The following DCTN5 variants were observed in gnomAD, a reference collection of about 807,000 sequenced individuals.
The protein encoded by DCTN5 is dynactin subunit 5, also known as dynactin 4.
DCTN5 carries 14 observed loss-of-function variants against 23.5 expected under a neutral mutation model. The observed-to-expected ratio is 0.60, with a 90% CI of 0.39 to 0.93. The LOEUF (loss-of-function observed/expected upper bound fraction) is 0.93, where lower values mean the gene tolerates loss of function less well. Ranked by LOEUF, DCTN5 falls within the 40% of genes least tolerant of loss-of-function variation. DCTN5 has a pLI of 0.00. For missense variants in DCTN5, 156 were observed against 225.9 expected, an observed-to-expected ratio of 0.69 and a Z score of 1.98; for synonymous variants, 67 against 79.6, an observed-to-expected ratio of 0.84 and a Z score of 0.84.
intron 4 of DCTN5, among the ~76,000 whole-genome samples, chr16:23,664,488 T>G (rs747639159): frequency 6.6e-6 from 1 of 152,232 alleles, no homozygotes; most frequent in Non-Finnish European, 1.5e-5. Flanking sequence ...TTGTAAAGAT[T>G]TCCACATTCT....
At chr16:23,650,337 C>G (rs375728922) in intron 2 of DCTN5, among the ~76,000 whole-genome samples, 5 of 151,882 alleles carry the variant, frequency 3.3e-5, no homozygotes, top group African/African-American at 1.2e-4. Flanking sequence ...ATTTTATTTT[C>G]TTTTAAGATG....
intron 2 of DCTN5, among the ~76,000 whole-genome samples, chr16:23,644,016 A>G (rs938584584): frequency 1.3e-5 from 2 of 152,106 alleles, no homozygotes; most frequent in Non-Finnish European, 2.9e-5. Context: ...TAACCAAGAG[A>G]TCACAAATAT....
In DCTN5 at chr16:23,668,240, G is replaced by T. The variant is rs1225607316; in HGVS notation, c.*1096G>T. The T allele has an allele frequency of 2.0e-5, 3 of 152,216 alleles. No individual in the cohort carries two copies. The highest frequency in any genetic ancestry group is 1.3e-4 in the Admixed American group (2 of 15,276). The allele number at this position is 152,216 out of a possible 1,614,324, so 9.4% of individuals were successfully genotyped here. A position where few individuals can be genotyped will look rare whatever the true frequency, so the allele number is the denominator to read the frequency against. On this transcript the variant is annotated 3_prime_UTR_variant, in exon 6 of 6. Coordinates refer to ENST00000300087, the MANE Select transcript of DCTN5 (RefSeq NM_032486.4). ...CCTTGCCTAATGCTCTGATCTGTAA[G>T]TGAATAGGGCAGAACAGTTCAGCCT...
rs1968021667 is a variant in DCTN5 at position 23,672,368 on chromosome 16, C to T, written c.*5224C>T. ...GGGCACTATAATGGGCACTTTATCC[C>T]ATTTTATAAACATGGAAATTGAGGC... On this transcript the variant is annotated 3_prime_UTR_variant, in exon 6 of 6. Transcript: ENST00000300087. 1 of 152,162 alleles carries T rather than the reference C, an allele frequency of 6.6e-6. No individual in the cohort carries two copies. Among genetic ancestry groups the T allele is most frequent in the Non-Finnish European group, 1.5e-5 (1 of 68,034 alleles). 9.4% of individuals were successfully genotyped at this position (152,162 alleles called of 1,614,324 possible). A position where few individuals can be genotyped will look rare whatever the true frequency, so the allele number is the denominator to read the frequency against.
chr16:23,666,900 C>G, intron 5 of DCTN5, 147 bp from the exon 6 acceptor site: 1 of 1,308,630 alleles, frequency 7.6e-7, no homozygotes, highest in Non-Finnish European at 1.0e-6. Flanking sequence ...CTGTTCTTAG[C>G]AAGCACTGGA....
intron 2 of DCTN5, chr16:23,650,758 C>G (rs1967586614): frequency 6.5e-7 from 1 of 1,534,900 alleles, no homozygotes; most frequent in African/African-American, 1.4e-5. Context: ...TCTTTCAGAA[C>G]TTTGTCATTT....
intron 2 of DCTN5, among the ~76,000 whole-genome samples, chr16:23,656,998 A>G (rs1443325866): frequency 6.6e-6 from 1 of 152,036 alleles, no homozygotes; most frequent in Non-Finnish European, 1.5e-5. Context: ...TCAAAAAAAA[A>G]AAAAAATAAA....
At chr16:23,665,363 G>A (rs1399817028) in intron 4 of DCTN5, among the ~76,000 whole-genome samples, 4 of 152,180 alleles carry the variant, frequency 2.6e-5, no homozygotes, top group Non-Finnish European at 4.4e-5. Context: ...CAGAGCTCAT[G>A]GAAGACTGAA....
chr16:23,652,578 T>C (rs1967625365), intron 2 of DCTN5, among the ~76,000 whole-genome samples: 1 of 152,218 alleles, frequency 6.6e-6, no homozygotes, highest in Non-Finnish European at 1.5e-5. Flanking sequence ...GATGGGTACA[T>C]CTATGCAACC....
intron 2 of DCTN5, among the ~76,000 whole-genome samples, chr16:23,653,164 A>G (rs1228648043): frequency 2.6e-5 from 4 of 152,188 alleles, no homozygotes; most frequent in Non-Finnish European, 5.9e-5. Flanking sequence ...AAAATAAAAA[A>G]TCAGTGTAAT....
chr16:23,643,118 AT>A, intron 2 of DCTN5, 95 bp downstream of exon 2: 1 of 930,738 alleles, frequency 1.1e-6, no homozygotes, highest in Non-Finnish European at 1.7e-6. Context: ...CATATCTCCT[AT>A]TTATTGTTTA....
At chr16:23,654,213 A>G (rs892259594) in intron 2 of DCTN5, among the ~76,000 whole-genome samples, 2 of 152,208 alleles carry the variant, frequency 1.3e-5, no homozygotes, top group African/African-American at 2.4e-5. Flanking sequence ...TATTATAAAG[A>G]CATGTGCACA....
intron 2 of DCTN5, among the ~76,000 whole-genome samples, chr16:23,648,127 A>T (rs926721922): frequency 6.6e-6 from 1 of 151,902 alleles, no homozygotes; most frequent in African/African-American, 2.4e-5. Flanking sequence ...TTTTTATTTT[A>T]AAAATCTTTA....
chr16:23,665,823 A>G, intron 5 of DCTN5, 95 bp downstream of exon 5: 1 of 1,027,948 alleles, frequency 9.7e-7, no homozygotes, highest in South Asian at 1.5e-5. Flanking sequence ...TATCTCTGGC[A>G]ATATGTTGAT....
In DCTN5 at chr16:23,675,696, G is replaced by A. The variant is rs545455526; in HGVS notation, c.*8552G>A. 6.6e-6 allele frequency: 1 copy of A among 152,222 alleles called. No homozygotes were observed. The highest frequency in any genetic ancestry group is 2.1e-4 in the South Asian group (1 of 4,818). 9.4% of individuals were successfully genotyped at this position (152,222 alleles called of 1,614,324 possible). On this transcript the variant is annotated 3_prime_UTR_variant, in exon 6 of 6. Coordinates refer to ENST00000300087, the MANE Select transcript of DCTN5 (RefSeq NM_032486.4). ...TGGCACCTGGGGAGGCTTGATCCCT[G>A]GAAGCCTCCTCTTGCTGAAGGAAAA...
intron 2 of DCTN5, among the ~76,000 whole-genome samples, chr16:23,652,396 C>T (rs907050541): frequency 6.6e-6 from 1 of 152,166 alleles, no homozygotes; most frequent in Non-Finnish European, 1.5e-5. Flanking sequence ...ATTGTAAATT[C>T]TCTTTGTCTT....
In DCTN5 at chr16:23,641,513, A is replaced by C; in HGVS notation, c.-30A>C. Reference sequence around the variant, plus strand: ...AGACTGACCGACTGACTCTGACAGGATCCGGGGCTGAGGGAAGGAGGCGGC... The same window carrying C: ...AGACTGACCGACTGACTCTGACAGGCTCCGGGGCTGAGGGAAGGAGGCGGC... On this transcript the variant is annotated 5_prime_UTR_variant, in exon 1 of 6. Coordinates refer to ENST00000300087, the MANE Select transcript of DCTN5 (RefSeq NM_032486.4). 1 of 1,613,984 alleles carries C rather than the reference A, an allele frequency of 6.2e-7. No individual in the cohort carries two copies. Among genetic ancestry groups the C allele is most frequent in the African/African-American group, 1.3e-5 (1 of 75,070 alleles).
intron 2 of DCTN5, among the ~76,000 whole-genome samples, chr16:23,656,932 G>T (rs1261319023): frequency 4.0e-5 from 6 of 151,392 alleles, no homozygotes; most frequent in Admixed American, 2.6e-4. Flanking sequence ...CGGGGTTGCA[G>T]TGAGCCAAGA....
At chr16:23,645,127 A>ATTTTTT (rs1967421100) in intron 2 of DCTN5, among the ~76,000 whole-genome samples, 1 of 27,120 alleles carries the variant, frequency 3.7e-5, no homozygotes, top group African/African-American at 2.0e-4. Flanking sequence ...ATATATATAT[A>ATTTTTT]TATATATATA....
Sources: allele counts gnomAD v4.1 joint callset (sites outside exome capture counted in the v4.1 genomes callset), GRCh38; gene constraint gnomAD v4.1.1; transcripts MANE v1.5; gene names NCBI Gene and HGNC (gene_info 2026-07-23, HGNC 2026-07-21).